OTUD7A: variants seen among roughly 807,000 people sequenced by gnomAD.
OTUD7A encodes OTU deubiquitinase 7A, also known as OTU domain-containing protein 7A.
OTUD7A carries 12 observed loss-of-function variants against 65.7 expected under a neutral mutation model. The observed-to-expected ratio is 0.18, with a 90% CI of 0.12 to 0.30. The LOEUF is 0.30. Among genes scored for constraint, OTUD7A ranks in the 10% least tolerant of loss-of-function variants. The pLI is 1.00. For missense variants in OTUD7A, 1,148 were observed against 1,304.8 expected (o/e 0.88, Z 1.85); for synonymous variants, 641 against 586.3 (o/e 1.09, Z -1.35).
chr15:31,628,719 C>T (rs1365320929), intron 3 of OTUD7A, among the ~76,000 whole-genome samples: 1 of 152,084 alleles, frequency 6.6e-6, no homozygotes, highest in African/African-American at 2.4e-5. Flanking sequence ...TTCTTCCTAC[C>T]CATGAGCATG....
intron 5 of OTUD7A, among the ~76,000 whole-genome samples, chr15:31,541,135 T>C (rs1232231157): frequency 6.6e-6 from 1 of 152,176 alleles, no homozygotes; most frequent in Non-Finnish European, 1.5e-5. Flanking sequence ...TGGGTAGACA[T>C]CTAAATACAG....
intron 1 of OTUD7A, among the ~76,000 whole-genome samples, chr15:31,837,500 TG>T (rs1398431917): frequency 6.6e-6 from 1 of 152,036 alleles, no homozygotes; most frequent in Non-Finnish European, 1.5e-5. Flanking sequence ...GGGGCAAGAT[TG>T]TGCCACTGCA....
intron 3 of OTUD7A, among the ~76,000 whole-genome samples, chr15:31,638,927 G>A (rs1473802400): frequency 1.3e-5 from 2 of 152,056 alleles, no homozygotes; most frequent in Non-Finnish European, 2.9e-5. Context: ...GAGGTCAGGA[G>A]ATCGAGACCA....
At chr15:31,568,491 A>T (rs1888947081) in intron 4 of OTUD7A, among the ~76,000 whole-genome samples, 1 of 152,202 alleles carries the variant, frequency 6.6e-6, no homozygotes, top group Non-Finnish European at 1.5e-5. Context: ...TGACTCAGAC[A>T]AGAGTTTGGA....
rs192070340 is a variant in OTUD7A, at chr15:31,531,856, C to T, written c.551-1048G>A. Among the ~76,000 whole-genome samples the T allele has an allele frequency of 1.9e-4, 29 of 152,318 alleles. No homozygotes were observed. The East Asian group carries it at 5.2e-3, about 27-fold the overall frequency. On this transcript the variant is annotated intron_variant, in intron 5 of 12. Transcript: ENST00000307050. ...TTGCCCTCTATCTTCAGAGGACACA[C>T]AGGGAGCCTGAACTTTCACACTCAT...
intron 1 of OTUD7A, among the ~76,000 whole-genome samples, chr15:31,750,846 A>G (rs1345712678): frequency 6.6e-6 from 1 of 152,200 alleles, no homozygotes; most frequent in African/African-American, 2.4e-5. Flanking sequence ...TTATTCAACA[A>G]ATGGTGCTGG....
At chr15:31,576,923 A>C (rs1447854297) in intron 3 of OTUD7A, among the ~76,000 whole-genome samples, 1 of 152,106 alleles carries the variant, frequency 6.6e-6, no homozygotes, top group Non-Finnish European at 1.5e-5. Flanking sequence ...GGTCAGACAC[A>C]CCTTGTAATA....
At chr15:31,542,086 A>C (rs1205901696) in intron 5 of OTUD7A, among the ~76,000 whole-genome samples, 1 of 152,148 alleles carries the variant, frequency 6.6e-6, no homozygotes, top group East Asian at 1.9e-4. Flanking sequence ...AACAAAAACA[A>C]TCTCTCTAAG....
chr15:31,610,617 A>ATTTTTTTTTTTTTTTTTTTTTTTT, intron 3 of OTUD7A, among the ~76,000 whole-genome samples: 1 of 30,560 alleles, frequency 3.3e-5, no homozygotes, highest in Non-Finnish European at 4.9e-5. Flanking sequence ...ATATATATAT[A>ATTTTTTTTTTTTTTTTTTTTTTTT]TTTTTTTTTT....
chr15:31,572,366 T>A (rs936435572), intron 3 of OTUD7A, among the ~76,000 whole-genome samples: 1 of 152,272 alleles, frequency 6.6e-6, no homozygotes, highest in African/African-American at 2.4e-5. Flanking sequence ...CCAAAATAAT[T>A]CAAAGACTGA....
intron 3 of OTUD7A, among the ~76,000 whole-genome samples, chr15:31,649,981 C>T (rs1891788782): frequency 7.4e-6 from 1 of 135,994 alleles, no homozygotes; most frequent in South Asian, 2.2e-4. Context: ...AACTCGGGTA[C>T]AGAAGCAGGA....
chr15:31,751,029 G>A (rs149617620), intron 1 of OTUD7A, among the ~76,000 whole-genome samples: 42 of 152,136 alleles, frequency 2.8e-4, no homozygotes, highest in African/African-American at 7.0e-4. Context: ...AAGAACTTAC[G>A]ACTAAGTCCT....
chr15:31,563,474 C>A (rs1566922047), intron 4 of OTUD7A, among the ~76,000 whole-genome samples: 10 of 152,242 alleles, frequency 6.6e-5, no homozygotes. Context: ...TAGAAATCCT[C>A]AGGGGCAGGA....
At chr15:31,496,553 C>T (rs2041387704) in intron 10 of OTUD7A, among the ~76,000 whole-genome samples, 1 of 152,176 alleles carries the variant, frequency 6.6e-6, no homozygotes. Flanking sequence ...ATTTTAAAAT[C>T]AAGTTGAGCA....
chr15:31,834,649 G>C (rs1490686786), intron 1 of OTUD7A, among the ~76,000 whole-genome samples: 1 of 152,100 alleles, frequency 6.6e-6, no homozygotes. Context: ...GTATTCTTTA[G>C]GCCAATTGTC....
intron 3 of OTUD7A, among the ~76,000 whole-genome samples, chr15:31,586,101 C>T (rs1347144384): frequency 3.3e-5 from 5 of 152,164 alleles, no homozygotes; most frequent in African/African-American, 7.2e-5. Context: ...CTGCCAGTTA[C>T]GATTACTATT....
chr15:31,614,472 C>A (rs943366830), intron 3 of OTUD7A, among the ~76,000 whole-genome samples: 38 of 151,702 alleles, frequency 2.5e-4, no homozygotes, highest in African/African-American at 8.7e-4. Flanking sequence ...ATTTTAGAAA[C>A]AGTATAAGAA....
chr15:31,749,046 C>T (rs1894555519), intron 1 of OTUD7A, among the ~76,000 whole-genome samples: 1 of 149,302 alleles, frequency 6.7e-6, no homozygotes, highest in Non-Finnish European at 1.5e-5. Flanking sequence ...GGACAAAAAA[C>T]CAAATACCGC....
intron 1 of OTUD7A, among the ~76,000 whole-genome samples, chr15:31,815,291 G>A (rs895684513): frequency 8.5e-5 from 13 of 152,164 alleles, no homozygotes; most frequent in African/African-American, 3.1e-4. Context: ...TGCCCAAGTG[G>A]ACACTGAATC....
Sources: gnomAD v4.1 joint callset for allele counts (sites outside exome capture counted in the v4.1 genomes callset) on GRCh38, gnomAD v4.1.1 for gene constraint, MANE v1.5 for transcripts, NCBI Gene and HGNC (gene_info 2026-07-23, HGNC 2026-07-21) for gene names.